The following CD300LB variants were observed in gnomAD, a reference collection of about 807,000 sequenced individuals.
CD300LB encodes CD300 molecule like family member b.
In CD300LB, 18 loss-of-function variants were observed where a neutral mutation model predicts 20.8. The observed-to-expected ratio is 0.87, with a 90% CI of 0.60 to 1.28. The LOEUF is 1.28. CD300LB is among the 50% of genes most tolerant of loss of function. CD300LB has a pLI of 0.00. For synonymous variants in CD300LB, 91 were observed against 91.3 expected, an observed-to-expected ratio of 1.00 and a Z score of 0.02; for missense variants, 222 against 251.8, an observed-to-expected ratio of 0.88 and a Z score of 0.80.
At position 74,521,997 on chromosome 17, in the gene CD300LB, A is replaced by T. The variant is rs555277111; in HGVS notation, c.*741T>A. ...CCTGACAGGCTCTTTTGGGGAGGAG[A>T]CCCAAGCTGTCATGCTGAGGAGGCT... On this transcript the variant is annotated 3_prime_UTR_variant, in exon 4 of 4. Transcript: ENST00000392621. 143 of 985,250 alleles carry T rather than the reference A, an allele frequency of 1.5e-4. No individual in the cohort carries two copies. The African/African-American group carries it at 2.2e-3, about 15-fold the overall frequency. The allele number at this position is 985,250 out of a possible 1,614,324, so 61.0% of individuals were successfully genotyped here.
chr17:74,531,274 T>C, intron 1 of CD300LB, 37 bp downstream of exon 1: 1 of 1,512,758 alleles, frequency 6.6e-7, no homozygotes, highest in Non-Finnish European at 8.8e-7. Flanking sequence ...GCCCTGCCCC[T>C]GTCATACCAA....
Position 74,522,611 on chromosome 17 carries a change from G to A in CD300LB, c.*127C>T. Reference sequence around the variant, plus strand: ...CAGGGAGGTGCCCACCAGCTCCAAGGCCAGGGCGGAGGCCCAGGGCCCCTA... The same window carrying A: ...CAGGGAGGTGCCCACCAGCTCCAAGACCAGGGCGGAGGCCCAGGGCCCCTA... On this transcript the variant is annotated 3_prime_UTR_variant, in exon 4 of 4. Coordinates refer to ENST00000392621, the MANE Select transcript of CD300LB (RefSeq NM_174892.4). The A allele has an allele frequency of 6.7e-7, 1 of 1,503,402 alleles. No individual in the cohort carries two copies. The highest frequency in any genetic ancestry group is 8.9e-7 in the Non-Finnish European group (1 of 1,129,636). 93.1% of individuals were successfully genotyped at this position (1,503,402 alleles called of 1,614,324 possible).
chr17:74,526,668 G>A (rs528847965), intron 1 of CD300LB, among the ~76,000 whole-genome samples: 4 of 152,276 alleles, frequency 2.6e-5, no homozygotes, highest in South Asian at 4.1e-4. Context: ...AGCTGAGATC[G>A]CACCACTGCA....
chr17:74,525,904 T>G lies in CD300LB; in HGVS notation c.214A>C (p.Lys72Gln), dbSNP rs1908017917. ...TCCTTGATGGACACACGGTCACTCT[T>G]CTCTCCTTGCTCCGACCCTCTGGTT... is the stretch of plus-strand genomic sequence containing the variant. ...IETRGSEQGE[K>Q]SDRVSIKDNQ... Residue 72 changes from lysine to glutamine, a missense_variant, in exon 2 of 4, where the codon AAG becomes CAG. By Grantham distance (53) the Lys-to-Gln change is moderately conservative. Transcript: ENST00000392621. The G allele has an allele frequency of 6.2e-7, 1 of 1,614,110 alleles. No individual in the cohort carries two copies. Among genetic ancestry groups the G allele is most frequent in the Middle Eastern group, 1.6e-4 (1 of 6,062 alleles).
intron 1 of CD300LB, among the ~76,000 whole-genome samples, chr17:74,527,884 C>G (rs1908082971): frequency 6.6e-6 from 1 of 152,162 alleles, no homozygotes; most frequent in South Asian, 2.1e-4. Flanking sequence ...GGTGGGCAAG[C>G]AAGCGAAGCT....
rs540079003 is a variant in CD300LB, at chr17:74,526,128, G to A, written c.41-51C>T. On this transcript the variant is annotated intron_variant, in intron 1 of 3. Coordinates refer to ENST00000392621, the MANE Select transcript of CD300LB (RefSeq NM_174892.4). ...GCTCATTGCACCGGCACGAACCCCTGCTCTGGGGCTCTCACGGACTCTGGG... is the reference window on the plus strand; with the variant it reads ...GCTCATTGCACCGGCACGAACCCCTACTCTGGGGCTCTCACGGACTCTGGG... 5.6e-5 allele frequency: 89 copies of A among 1,575,872 alleles called. 1 individual carries two copies. In the East Asian group the frequency reaches 2.0e-3, roughly 35 times the overall value.
chr17:74,528,829 A>G (rs1908112198), intron 1 of CD300LB, among the ~76,000 whole-genome samples: 1 of 152,166 alleles, frequency 6.6e-6, no homozygotes, highest in Non-Finnish European at 1.5e-5. Flanking sequence ...TGAAGGTGGT[A>G]ATAGGACTTG....
Position 74,525,840 on chromosome 17 carries a change from C to T in CD300LB, c.278G>A (p.Gly93Glu). 1 of 1,614,110 alleles carries T rather than the reference C, an allele frequency of 6.2e-7. No homozygotes were observed. Among genetic ancestry groups the T allele is most frequent in the Non-Finnish European group, 8.5e-7 (1 of 1,180,028 alleles). Residue 93 changes from glycine (G) to glutamate (E), a missense_variant, in exon 2 of 4, where the codon GGG becomes GAG. Physicochemically the swap from Gly to Glu is moderately conservative, Grantham distance 98 (BLOSUM62 -2). Coordinates refer to ENST00000392621, the MANE Select transcript of CD300LB (RefSeq NM_174892.4). Reference protein sequence around the residue: ...KDRTFTVTMEGLRRDDADVYW... With the variant: ...KDRTFTVTMEELRRDDADVYW... The stretch of plus-strand genomic sequence containing the variant: ...AACATCTGCGTCATCTCGCCTGAGC[C>T]CCTCCATGGTCACAGTGAACGTGCG...
chr17:74,524,586 T>C (rs1907975326), intron 2 of CD300LB, among the ~76,000 whole-genome samples: 1 of 151,986 alleles, frequency 6.6e-6, no homozygotes, highest in Admixed American at 6.6e-5. Context: ...AAACCCTGTC[T>C]CAAAAAACAA....
Position 74,522,408 on chromosome 17 carries a change from C to T in CD300LB, c.*330G>A. On this transcript the variant is annotated 3_prime_UTR_variant, in exon 4 of 4. Transcript: ENST00000392621. ...CTAGGGCTGGGGGGGTCTCCCCCAACCTCTTTCTGTACTTTGGTCCCATGC... is the reference window on the plus strand; with the variant it reads ...CTAGGGCTGGGGGGGTCTCCCCCAATCTCTTTCTGTACTTTGGTCCCATGC... The T allele has an allele frequency of 9.6e-7, 1 of 1,043,882 alleles. No homozygotes were observed. The highest frequency in any genetic ancestry group is 1.2e-6 in the Non-Finnish European group (1 of 867,116). 64.7% of individuals were successfully genotyped at this position (1,043,882 alleles called of 1,614,324 possible). A position where few individuals can be genotyped will look rare whatever the true frequency, so the allele number is the denominator to read the frequency against.
intron 2 of CD300LB, among the ~76,000 whole-genome samples, chr17:74,524,704 A>G (rs572972137): frequency 6.6e-6 from 1 of 152,250 alleles, no homozygotes; most frequent in Admixed American, 6.5e-5. Flanking sequence ...GTTCCTATGG[A>G]GCCCCTGATC....
Position 74,522,097 on chromosome 17 carries a change from G to C in CD300LB, c.*641C>G. 2 of 985,406 alleles carry C rather than the reference G, an allele frequency of 2.0e-6. No individual in the cohort carries two copies. The highest frequency in any genetic ancestry group is 2.4e-6 in the Non-Finnish European group (2 of 829,964). The allele number at this position is 985,406 out of a possible 1,614,324, so 61.0% of individuals were successfully genotyped here. On this transcript the variant is annotated 3_prime_UTR_variant, in exon 4 of 4. Coordinates refer to ENST00000392621, the MANE Select transcript of CD300LB (RefSeq NM_174892.4). ...AGCTAGGAGGAGGAAGAGGTGGGAG[G>C]GGGAGGACAAGCACCGGGCCGGGCC...
intron 2 of CD300LB, among the ~76,000 whole-genome samples, chr17:74,524,547 C>T (rs1052719747): frequency 5.9e-5 from 9 of 152,220 alleles, no homozygotes; most frequent in East Asian, 5.8e-4. Flanking sequence ...AAGTTCACCC[C>T]ACTGCACTCC....
chr17:74,522,159 C>T lies in CD300LB; in HGVS notation c.*579G>A. The T allele has an allele frequency of 1.0e-6, 1 of 985,552 alleles. No individual in the cohort carries two copies. Among genetic ancestry groups the T allele is most frequent in the African/African-American group, 1.7e-5 (1 of 57,352 alleles). The allele number at this position is 985,552 out of a possible 1,614,324, so 61.1% of individuals were successfully genotyped here. A position where few individuals can be genotyped will look rare whatever the true frequency, so the allele number is the denominator to read the frequency against. On this transcript the variant is annotated 3_prime_UTR_variant, in exon 4 of 4. Transcript: ENST00000392621. Reference sequence around the variant, plus strand: ...CATTGCCTCCTCAGCCCTGTGGACTCAGAGCCATGTCCTCCCTGGGGACAG... The same window carrying T: ...CATTGCCTCCTCAGCCCTGTGGACTTAGAGCCATGTCCTCCCTGGGGACAG...
In CD300LB at chr17:74,521,693, T is replaced by C; in HGVS notation, c.*1045A>G. 1 of 985,264 alleles carries C rather than the reference T, an allele frequency of 1.0e-6. No homozygotes were observed. The highest frequency in any genetic ancestry group is 1.2e-6 in the Non-Finnish European group (1 of 829,950). 61.0% of individuals were successfully genotyped at this position (985,264 alleles called of 1,614,324 possible). A position where few individuals can be genotyped will look rare whatever the true frequency, so the allele number is the denominator to read the frequency against. ...CCTCATGGGTGTTCAAAGGGCAACATGCCGAACATGTGTGGTGTGTTTGCT... is the reference window on the plus strand; with the variant it reads ...CCTCATGGGTGTTCAAAGGGCAACACGCCGAACATGTGTGGTGTGTTTGCT... On this transcript the variant is annotated 3_prime_UTR_variant, in exon 4 of 4. Transcript: ENST00000392621.
chr17:74,526,890 G>C (rs1208050331), intron 1 of CD300LB, among the ~76,000 whole-genome samples: 1 of 152,158 alleles, frequency 6.6e-6, no homozygotes, highest in Non-Finnish European at 1.5e-5. Context: ...GGTACCCAGG[G>C]TTCCCTCTCC....
rs892548425 is a variant in CD300LB, at chr17:74,522,041, G to A, written c.*697C>T. 1.4e-5 allele frequency: 14 copies of A among 985,312 alleles called. No individual in the cohort carries two copies. The Admixed American group carries it at 4.3e-4, about 30-fold the overall frequency. 61.0% of individuals were successfully genotyped at this position (985,312 alleles called of 1,614,324 possible). ...GGAGGCTCCCAAGCTGCAGCCCCTC[G>A]GAGGTGGGGGAATAGGCAGGGAGCT... On this transcript the variant is annotated 3_prime_UTR_variant, in exon 4 of 4. Transcript: ENST00000392621.
intron 2 of CD300LB, 106 bp downstream of exon 2, chr17:74,525,642 A>T: frequency 2.2e-6 from 2 of 921,766 alleles, no homozygotes; most frequent in East Asian, 2.4e-5. Flanking sequence ...TCTCTCTCTT[A>T]GGCTCACCAT....
Position 74,531,441 on chromosome 17 carries a change from T to C in CD300LB, c.-91A>G. 2.5e-6 allele frequency: 4 copies of C among 1,602,930 alleles called. No homozygotes were observed. The highest frequency in any genetic ancestry group is 3.4e-6 in the Non-Finnish European group (4 of 1,175,044). On this transcript the variant is annotated 5_prime_UTR_variant, in exon 1 of 4. Transcript: ENST00000392621. Reference sequence around the variant, plus strand: ...CACTCTGGAAGTTCTGCCTGAGCTCTGGCTTGCACCTTCTGCACATCTAGA... The same window carrying C: ...CACTCTGGAAGTTCTGCCTGAGCTCCGGCTTGCACCTTCTGCACATCTAGA...
Sources: gnomAD v4.1 joint callset for allele counts (sites outside exome capture counted in the v4.1 genomes callset) on GRCh38, gnomAD v4.1.1 for gene constraint, MANE v1.5 for transcripts, NCBI Gene and HGNC (gene_info 2026-07-23, HGNC 2026-07-21) for gene names.